The following UBE2W variants were observed in gnomAD, a reference collection of about 807,000 sequenced individuals.
UBE2W encodes the protein ubiquitin-conjugating enzyme E2 W.
UBE2W carries 18 observed loss-of-function variants against 27.2 expected under a neutral mutation model. The ratio of observed to expected loss-of-function variants is 0.66; its 90% CI spans 0.46 to 0.98. The LOEUF (loss-of-function observed/expected upper bound fraction) is 0.98. Among genes scored for constraint, UBE2W ranks in the 50% least tolerant of loss-of-function variants. The pLI is 0.00. For missense variants in UBE2W, 90 were observed against 180.2 expected (o/e 0.50, Z 2.87); for synonymous variants, 53 against 57.2 (o/e 0.93, Z 0.33).
At chr8:73,878,474 C>T (rs569355283) in intron 1 of UBE2W, among the ~76,000 whole-genome samples, 11 of 152,304 alleles carry the variant, frequency 7.2e-5, no homozygotes, top group Admixed American at 1.3e-4. Flanking sequence ...CTGGGGCTGG[C>T]GGGCAGCAGA....
Position 73,786,817 on chromosome 8 carries a change from G to C in UBE2W, c.*7285C>G. 1.0e-6 allele frequency: 1 copy of C among 985,422 alleles called. No homozygotes were observed. The highest frequency in any genetic ancestry group is 4.7e-5 in the South Asian group (1 of 21,288). 61.0% of individuals were successfully genotyped at this position (985,422 alleles called of 1,614,324 possible). On this transcript the variant is annotated 3_prime_UTR_variant, in exon 6 of 6. Transcript: ENST00000602593. Reference sequence around the variant, plus strand: ...CAACAGGACTTGAAAAATGCAAGGAGAGGACTACTGAGTATCATTGCTTGA... The same window carrying C: ...CAACAGGACTTGAAAAATGCAAGGACAGGACTACTGAGTATCATTGCTTGA...
chr8:73,785,157 A>T (rs943841858), downstream of UBE2W, among the ~76,000 whole-genome samples: 5 of 151,762 alleles, frequency 3.3e-5, no homozygotes, highest in Non-Finnish European at 7.4e-5. Context: ...CAATATTTTT[A>T]TTTTTTTTAG....
intron 2 of UBE2W, 145 bp from the exon 3 acceptor site, chr8:73,825,394 C>T: frequency 1.8e-6 from 1 of 568,208 alleles, no homozygotes; most frequent in South Asian, 2.7e-5. Flanking sequence ...CTCCCAATAA[C>T]TCTCTTACTG....
chr8:73,811,748 CA>C (rs2130875614), intron 3 of UBE2W, among the ~76,000 whole-genome samples: 1 of 152,086 alleles, frequency 6.6e-6, no homozygotes, highest in Non-Finnish European at 1.5e-5. Flanking sequence ...GCCTCATACC[CA>C]AGTACAACAG....
intron 1 of UBE2W, among the ~76,000 whole-genome samples, chr8:73,846,204 A>G (rs1810790578): frequency 6.6e-6 from 1 of 152,098 alleles, no homozygotes; most frequent in Non-Finnish European, 1.5e-5. Context: ...CAGGACCAAC[A>G]TGACCAACAT....
chr8:73,849,155 T>C (rs1810954062), intron 1 of UBE2W, among the ~76,000 whole-genome samples: 1 of 152,132 alleles, frequency 6.6e-6, no homozygotes, highest in Non-Finnish European at 1.5e-5. Context: ...AGATTTTTCG[T>C]AAAAGTTTTC....
chr8:73,808,806 T>C (rs987846982), intron 4 of UBE2W, among the ~76,000 whole-genome samples: 1 of 152,186 alleles, frequency 6.6e-6, no homozygotes. Flanking sequence ...TTATACTAAG[T>C]GTACAAGAAA....
In UBE2W at chr8:73,802,914, G is replaced by A. The variant is rs190031478; in HGVS notation, c.442+2737C>T. 2.1e-4 allele frequency among the ~76,000 whole-genome samples: 32 copies of A among 151,882 alleles called. No individual in the cohort carries two copies. In the South Asian group the frequency reaches 5.8e-3, roughly 28 times the overall value. ...GGCGGGCGCCTGTAGTCCCAGCTAC[G>A]CGGGAGGCTGAGGCAGGAGAATGGT... On this transcript the variant is annotated intron_variant, in intron 5 of 5. Coordinates refer to ENST00000602593, the MANE Select transcript of UBE2W (RefSeq NM_018299.6).
intron 1 of UBE2W, among the ~76,000 whole-genome samples, chr8:73,862,747 C>A: frequency 1.6e-5 from 2 of 123,564 alleles, no homozygotes; most frequent in African/African-American, 3.2e-5. Flanking sequence ...AACAAACAAC[C>A]CCATCAAAAA....
chr8:73,797,450 G>C (rs1031529990), intron 5 of UBE2W, among the ~76,000 whole-genome samples: 4 of 152,154 alleles, frequency 2.6e-5, no homozygotes, highest in Non-Finnish European at 5.9e-5. Context: ...GGCAGACAAA[G>C]ACTTGTTAAT....
Position 73,791,516 on chromosome 8 carries a change from AT to A in UBE2W, c.*2585del. 1.0e-6 allele frequency: 1 copy of A among 985,164 alleles called. No homozygotes were observed. Among genetic ancestry groups the A allele is most frequent in the Non-Finnish European group, 1.2e-6 (1 of 829,790 alleles). The allele number at this position is 985,164 out of a possible 1,614,324, so 61.0% of individuals were successfully genotyped here. A position where few individuals can be genotyped will look rare whatever the true frequency, so the allele number is the denominator to read the frequency against. On this transcript the variant is annotated 3_prime_UTR_variant, in exon 6 of 6. Coordinates refer to ENST00000602593, the MANE Select transcript of UBE2W (RefSeq NM_018299.6). Reference sequence around the variant, plus strand: ...AGGCAAGTAGCATATTCCTATATACATTTTCTTGATATTCTGGTTGTCTTTC... The same window carrying A: ...AGGCAAGTAGCATATTCCTATATACATTTCTTGATATTCTGGTTGTCTTTC...
intron 5 of UBE2W, 92 bp from the exon 6 acceptor site, chr8:73,794,207 G>C: frequency 6.8e-7 from 1 of 1,466,760 alleles, no homozygotes; most frequent in South Asian, 1.3e-5. Context: ...ATTTCAATTA[G>C]CAAGAAGTAC....
At chr8:73,856,606 T>C (rs528510619) in intron 1 of UBE2W, among the ~76,000 whole-genome samples, 1 of 152,148 alleles carries the variant, frequency 6.6e-6, no homozygotes, top group East Asian at 1.9e-4. Context: ...CTGCCCGCCC[T>C]GGCCTCCCAA....
chr8:73,834,781 C>T (rs1197153011), intron 1 of UBE2W, among the ~76,000 whole-genome samples: 3 of 151,946 alleles, frequency 2.0e-5, no homozygotes, highest in South Asian at 2.1e-4. Flanking sequence ...TGGTGGCATG[C>T]GCCTGTAATC....
At chr8:73,870,552 C>A (rs1385003122) in intron 1 of UBE2W, among the ~76,000 whole-genome samples, 1 of 152,078 alleles carries the variant, frequency 6.6e-6, no homozygotes, top group Non-Finnish European at 1.5e-5. Context: ...AGCTATTAAA[C>A]AACAACACTA....
chr8:73,855,310 T>C (rs1027693439), intron 1 of UBE2W, among the ~76,000 whole-genome samples: 4 of 152,130 alleles, frequency 2.6e-5, no homozygotes, highest in African/African-American at 7.2e-5. Context: ...TTCCCAACAC[T>C]TGAGCTCACA....
At chr8:73,878,449 G>C (rs1162349042) in intron 1 of UBE2W, among the ~76,000 whole-genome samples, 2 of 152,206 alleles carry the variant, frequency 1.3e-5, no homozygotes, top group Admixed American at 6.5e-5. Flanking sequence ...AGGGACAGCG[G>C]GGGTAAAGGC....
At chr8:73,800,387 G>A (rs1808588349) in intron 5 of UBE2W, among the ~76,000 whole-genome samples, 1 of 151,892 alleles carries the variant, frequency 6.6e-6, no homozygotes, top group South Asian at 2.1e-4. Context: ...TATATTAAGA[G>A]ATAAGAATGG....
chr8:73,861,626 A>G (rs924439583), intron 1 of UBE2W, among the ~76,000 whole-genome samples: 15 of 152,144 alleles, frequency 9.9e-5, no homozygotes, highest in Non-Finnish European at 1.5e-4. Flanking sequence ...GTTTTAAATG[A>G]GATTTTTATG....
Sources: allele counts gnomAD v4.1 joint callset (sites outside exome capture counted in the v4.1 genomes callset), GRCh38; gene constraint gnomAD v4.1.1; transcripts MANE v1.5; gene names NCBI Gene and HGNC (gene_info 2026-07-23, HGNC 2026-07-21).